Variants in GALNT13 observed in about 807,000 individuals in gnomAD.
GALNT13 encodes UDP-GalNAc:polypeptide N-acetylgalactosaminyltransferase 13.
In GALNT13, 28 loss-of-function variants were observed where a neutral mutation model predicts 64.2. The ratio of observed to expected loss-of-function variants is 0.44; its 90% CI spans 0.32 to 0.60. The LOEUF is 0.60. Ranked by LOEUF, GALNT13 falls within the 20% of genes least tolerant of loss-of-function variation. The probability of loss-of-function intolerance (pLI) is 0.05; values close to 1 mark genes in which losing one functional copy is unlikely to be tolerated. For missense variants in GALNT13, 577 were observed against 669.8 expected (o/e 0.86, Z 1.53); for synonymous variants, 214 against 224.6 (o/e 0.95, Z 0.42).
chr2:154,169,875 C>T (rs1685257797), intron 4 of GALNT13, among the ~76,000 whole-genome samples: 1 of 152,010 alleles, frequency 6.6e-6, no homozygotes, highest in Non-Finnish European at 1.5e-5. Flanking sequence ...GACTCTCTCT[C>T]TCTCTTTCCC....
chr2:153,273,276 A>AT, the GALNT13 span, among the ~76,000 whole-genome samples: 1 of 152,284 alleles, frequency 6.6e-6, no homozygotes, highest in East Asian at 1.9e-4. Flanking sequence ...TTAAAGTATA[A>AT]TTTTTTTAAA....
At chr2:153,083,691 C>A in the GALNT13 span, among the ~76,000 whole-genome samples, 1 of 152,040 alleles carries the variant, frequency 6.6e-6, no homozygotes, top group East Asian at 1.9e-4. Flanking sequence ...TGTGGGTTGT[C>A]TGTTACTGTG....
chr2:153,572,180 T>C, the GALNT13 span, among the ~76,000 whole-genome samples: 1 of 151,748 alleles, frequency 6.6e-6, no homozygotes, highest in African/African-American at 2.4e-5. Flanking sequence ...TCTGGTTGTA[T>C]ATTTCTAATT....
At chr2:154,259,944 A>G (rs1396707740) in intron 8 of GALNT13, among the ~76,000 whole-genome samples, 2 of 152,026 alleles carry the variant, frequency 1.3e-5, no homozygotes, top group Admixed American at 6.6e-5. Flanking sequence ...ACAGTGGTGC[A>G]ATTTCAGGGC....
chr2:153,525,972 G>A, the GALNT13 span, among the ~76,000 whole-genome samples: 1,492 of 152,344 alleles, frequency 9.8e-3, 18 homozygotes, highest in African/African-American at 0.035. Context: ...TCTGCCTTTA[G>A]AAAAGGGAGG....
chr2:153,366,739 ACACACACACACACAC>A, the GALNT13 span, among the ~76,000 whole-genome samples: 5 of 145,832 alleles, frequency 3.4e-5, no homozygotes, highest in Admixed American at 3.4e-4. Flanking sequence ...ACACACACAC[ACACACACACACACAC>A]ACACACACAC....
chr2:154,415,419 TG>T (rs975153969), intron 11 of GALNT13, among the ~76,000 whole-genome samples: 8 of 152,120 alleles, frequency 5.3e-5, no homozygotes, highest in African/African-American at 1.9e-4. Context: ...TTTTTCTCCC[TG>T]GAGCCACTCA....
At chr2:153,901,378 TA>T (rs1270333669) in intron 2 of GALNT13, among the ~76,000 whole-genome samples, 1 of 152,198 alleles carries the variant, frequency 6.6e-6, no homozygotes, top group East Asian at 1.9e-4. Flanking sequence ...TGCAGTTTGA[TA>T]GGAATAGTAT....
the GALNT13 span, among the ~76,000 whole-genome samples, chr2:153,086,478 G>T: frequency 2.6e-5 from 4 of 152,100 alleles, no homozygotes; most frequent in Non-Finnish European, 5.9e-5. Context: ...TCTCATGGTG[G>T]TGAATAAGTC....
chr2:154,385,466 A>C (rs1698468053), intron 9 of GALNT13, among the ~76,000 whole-genome samples: 1 of 151,988 alleles, frequency 6.6e-6, no homozygotes, highest in Non-Finnish European at 1.5e-5. Flanking sequence ...AGTAGAGTGA[A>C]CAAGAGCATG....
At chr2:154,070,090 C>T (rs957478250) in intron 3 of GALNT13, among the ~76,000 whole-genome samples, 1 of 152,082 alleles carries the variant, frequency 6.6e-6, no homozygotes, top group African/African-American at 2.4e-5. Context: ...AATGAATGCT[C>T]ATCCTACTGA....
intron 4 of GALNT13, among the ~76,000 whole-genome samples, chr2:154,173,493 A>G (rs186110198): frequency 5.3e-4 from 80 of 152,094 alleles, no homozygotes; most frequent in African/African-American, 1.9e-3. Flanking sequence ...ATTGTTCTGG[A>G]AAGTATTTTC....
the GALNT13 span, among the ~76,000 whole-genome samples, chr2:153,786,256 C>T: frequency 6.6e-6 from 1 of 152,054 alleles, no homozygotes; most frequent in Non-Finnish European, 1.5e-5. Context: ...GTATTTATTA[C>T]CCTAACAGTC....
the GALNT13 span, among the ~76,000 whole-genome samples, chr2:153,727,834 C>T: frequency 3.3e-5 from 5 of 151,964 alleles, no homozygotes; most frequent in African/African-American, 1.2e-4. Context: ...GCCAATCAAC[C>T]CGTCATTCAG....
At chr2:154,185,905 A>G (rs1299676383) in intron 4 of GALNT13, among the ~76,000 whole-genome samples, 1 of 152,032 alleles carries the variant, frequency 6.6e-6, no homozygotes, top group Non-Finnish European at 1.5e-5. Context: ...ATTTTCACTC[A>G]TGCTAAACTT....
At chr2:153,750,879 T>C in the GALNT13 span, among the ~76,000 whole-genome samples, 1 of 151,844 alleles carries the variant, frequency 6.6e-6, no homozygotes, top group Admixed American at 6.6e-5. Flanking sequence ...CTTGCTTTTA[T>C]AGTTGTTTAA....
the GALNT13 span, among the ~76,000 whole-genome samples, chr2:153,714,678 C>T: frequency 1.3e-5 from 2 of 152,298 alleles, no homozygotes; most frequent in African/African-American, 4.8e-5. Flanking sequence ...CCTATTCAAG[C>T]TTCCAAGAGC....
At chr2:153,887,777 A>G (rs908644630) in intron 1 of GALNT13, among the ~76,000 whole-genome samples, 3 of 151,876 alleles carry the variant, frequency 2.0e-5, no homozygotes, top group Admixed American at 6.6e-5. Context: ...TGCTTTGACT[A>G]TGTTGTTTTT....
the GALNT13 span, among the ~76,000 whole-genome samples, chr2:153,356,938 C>A: frequency 6.6e-6 from 1 of 151,830 alleles, no homozygotes; most frequent in East Asian, 1.9e-4. Context: ...GCTGGGACTA[C>A]AGGCACCTGC....
Sources: gnomAD v4.1 joint callset for allele counts (sites outside exome capture counted in the v4.1 genomes callset) on GRCh38, gnomAD v4.1.1 for gene constraint, MANE v1.5 for transcripts, NCBI Gene and HGNC (gene_info 2026-07-23, HGNC 2026-07-21) for gene names.